Variants in PRKAR1B observed in about 807,000 individuals in gnomAD.
PRKAR1B encodes cAMP-dependent protein kinase type I-beta regulatory subunit.
Under a neutral mutation model 46.5 loss-of-function variants are expected in PRKAR1B, and 22 were observed. The observed-to-expected ratio is 0.47, with a 90% CI of 0.34 to 0.68. The LOEUF is 0.68. Among genes scored for constraint, PRKAR1B ranks in the 30% least tolerant of loss-of-function variants. PRKAR1B has a pLI of 0.01. For missense variants in PRKAR1B, 445 were observed against 535.6 expected, an observed-to-expected ratio of 0.83 and a Z score of 1.67; for synonymous variants, 259 against 217.7, an observed-to-expected ratio of 1.19 and a Z score of -1.67.
intron 4 of PRKAR1B, among the ~76,000 whole-genome samples, chr7:649,235 G>T (rs1029591788): frequency 1.3e-5 from 2 of 152,140 alleles, no homozygotes. Context: ...TTTTCTCCTC[G>T]AATGAGTATT....
At chr7:619,518 C>T (rs1467861118) in intron 4 of PRKAR1B, among the ~76,000 whole-genome samples, 1 of 152,354 alleles carries the variant, frequency 6.6e-6, no homozygotes, top group Admixed American at 6.5e-5. Context: ...CAAGGTCACA[C>T]AGCTAAGGAA....
intron 8 of PRKAR1B, among the ~76,000 whole-genome samples, chr7:580,744 C>CAAAA (rs754143077): frequency 8.5e-5 from 10 of 117,318 alleles, no homozygotes; most frequent in Non-Finnish European, 1.1e-4. Context: ...TCTTTTTTGA[C>CAAAA]AAAAAAAAAA....
Position 644,490 on chromosome 7 carries a change from G to T in PRKAR1B, c.440+32739C>A, listed in dbSNP as rs1456835284. Among the ~76,000 whole-genome samples, 1 of 152,136 alleles carries T rather than the reference G, an allele frequency of 6.6e-6. No homozygotes were observed. The highest frequency in any genetic ancestry group is 1.5e-5 in the Non-Finnish European group (1 of 67,998). Reference sequence around the variant, plus strand: ...ATCAGGAGGGAAGCCCCACTCGGACGCCATCCCGGGGTCCAGCATCCCTCC... The same window carrying T: ...ATCAGGAGGGAAGCCCCACTCGGACTCCATCCCGGGGTCCAGCATCCCTCC... On this transcript the variant is annotated intron_variant, in intron 4 of 10. Coordinates refer to ENST00000537384, the MANE Select transcript of PRKAR1B (RefSeq NM_001164760.2). This position sits in a 1 kb window ranked among gnomAD's most constrained non-coding sequence, Gnocchi z 4.9.
intron 7 of PRKAR1B, among the ~76,000 whole-genome samples, chr7:595,226 A>G (rs1311116018): frequency 6.6e-6 from 1 of 151,822 alleles, no homozygotes; most frequent in African/African-American, 2.4e-5. Context: ...CTCGGCCCTC[A>G]CGCTCCTGGG....
chr7:714,487 G>T lies in PRKAR1B; in HGVS notation c.-22-2960C>A, dbSNP rs1780804652. Among the ~76,000 whole-genome samples the T allele has an allele frequency of 6.6e-6, 1 of 152,214 alleles. No individual in the cohort carries two copies. The highest frequency in any genetic ancestry group is 2.1e-4 in the South Asian group (1 of 4,830). On this transcript the variant is annotated intron_variant, in intron 1 of 10. Transcript: ENST00000537384. The surrounding 1 kb of genome is among the most constrained non-coding windows in gnomAD (Gnocchi z 4.3). ...ATGCGGCCCCTGGCCCCACTGAGCT[G>T]TGACGTCTGCTGAGCTCCTCTCCTC...
intron 9 of PRKAR1B, among the ~76,000 whole-genome samples, chr7:562,603 GC>G (rs1778872186): frequency 6.6e-6 from 1 of 152,128 alleles, no homozygotes; most frequent in Non-Finnish European, 1.5e-5. Flanking sequence ...GGCCTCCAGG[GC>G]CTCTCACACC....
chr7:723,353 G>C (rs1781138799), intron 1 of PRKAR1B, among the ~76,000 whole-genome samples: 1 of 152,152 alleles, frequency 6.6e-6, no homozygotes, highest in Non-Finnish European at 1.5e-5. Flanking sequence ...GAGAATTTCT[G>C]TCTGTGCCTG....
chr7:707,370 T>C (rs1780383255), intron 2 of PRKAR1B, among the ~76,000 whole-genome samples: 1 of 152,180 alleles, frequency 6.6e-6, no homozygotes, highest in South Asian at 2.1e-4. Context: ...TAACACATTA[T>C]TGTCGGCAAC....
chr7:596,496 C>A (rs998230440), intron 6 of PRKAR1B, among the ~76,000 whole-genome samples, 192 bp from the exon 7 acceptor site: 1 of 152,228 alleles, frequency 6.6e-6, no homozygotes, highest in African/African-American at 2.4e-5. Flanking sequence ...TCACCCCACC[C>A]CCAGCCCTGC....
At chr7:600,406 C>T (rs546894327) in intron 6 of PRKAR1B, among the ~76,000 whole-genome samples, 2 of 152,274 alleles carry the variant, frequency 1.3e-5, no homozygotes, top group East Asian at 1.9e-4. Flanking sequence ...TCGGGAGGAT[C>T]GCTTGAGCCC....
intron 2 of PRKAR1B, among the ~76,000 whole-genome samples, chr7:695,670 T>G (rs139137146): frequency 0.033 from 5,036 of 151,972 alleles, 322 homozygotes; most frequent in African/African-American, 0.11. Context: ...TTTTGTTTTT[T>G]GTTTTTTTTT....
Position 662,878 on chromosome 7 carries a change from G to C in PRKAR1B, c.440+14351C>G, listed in dbSNP as rs1785691021. On this transcript the variant is annotated intron_variant, in intron 4 of 10. Transcript: ENST00000537384. ...CCTGGGGCCCAGGCTCTCACCCTCG[G>C]AGCGGCCACAGCAGGGGCCTTCCAG... 2.0e-5 allele frequency among the ~76,000 whole-genome samples: 3 copies of C among 152,142 alleles called. No individual in the cohort carries two copies. The South Asian group carries it at 6.3e-4, about 32-fold the overall frequency.
intron 9 of PRKAR1B, among the ~76,000 whole-genome samples, chr7:578,544 C>T (rs938928416): frequency 2.6e-5 from 4 of 152,234 alleles, no homozygotes; most frequent in African/African-American, 9.6e-5. Flanking sequence ...ATGTCCCCAA[C>T]AGTGACCTGC....
intron 4 of PRKAR1B, among the ~76,000 whole-genome samples, chr7:626,024 A>G (rs201675278): frequency 0.076 from 11,299 of 149,394 alleles, 513 homozygotes; most frequent in Middle Eastern, 0.094. Context: ...AAAAAAAAAA[A>G]AAAGAAAGAA....
intron 6 of PRKAR1B, 70 bp from the exon 7 acceptor site, chr7:596,374 A>G: frequency 6.5e-7 from 1 of 1,534,130 alleles, no homozygotes; most frequent in African/African-American, 1.4e-5. Context: ...CCCATACAGA[A>G]AGTCCCCCTT....
intron 2 of PRKAR1B, among the ~76,000 whole-genome samples, chr7:687,026 C>G (rs1271127691): frequency 6.6e-6 from 1 of 152,186 alleles, no homozygotes; most frequent in Non-Finnish European, 1.5e-5. Context: ...AATCTCAGCT[C>G]AAATCATCTC....
At chr7:705,615 TG>T (rs1419312995) in intron 2 of PRKAR1B, among the ~76,000 whole-genome samples, 1 of 152,204 alleles carries the variant, frequency 6.6e-6, no homozygotes. Flanking sequence ...TATTTGTAGT[TG>T]GCAAAAACTG....
chr7:582,072 G>A (rs571479798), intron 8 of PRKAR1B, among the ~76,000 whole-genome samples: 1 of 152,338 alleles, frequency 6.6e-6, no homozygotes, highest in Non-Finnish European at 1.5e-5. Context: ...GTAAACTGCA[G>A]AATAAACGCA....
chr7:595,948 C>T (rs1440220193), intron 7 of PRKAR1B, among the ~76,000 whole-genome samples, 198 bp downstream of exon 7: 1 of 152,208 alleles, frequency 6.6e-6, no homozygotes, highest in African/African-American at 2.4e-5. Flanking sequence ...GGTGAAGGGG[C>T]CTCCCCAGCC....
Sources: gnomAD v4.1 joint callset for allele counts (sites outside exome capture counted in the v4.1 genomes callset) on GRCh38, gnomAD v4.1.1 for gene constraint, Gnocchi (gnomAD v3.1) non-coding constraint, MANE v1.5 for transcripts, NCBI Gene and HGNC (gene_info 2026-07-23, HGNC 2026-07-21) for gene names.